Variants in TGFBR3 observed in about 807,000 individuals in gnomAD.
TGFBR3 encodes the protein transforming growth factor beta receptor 3, also known as transforming growth factor beta receptor type 3.
Under a neutral mutation model 87.9 loss-of-function variants are expected in TGFBR3, and 46 were observed. The observed-to-expected ratio is 0.52, with a 90% confidence interval of 0.41 to 0.67. The LOEUF (loss-of-function observed/expected upper bound fraction) is 0.67, where lower values mean the gene tolerates loss of function less well. Ranked by LOEUF, TGFBR3 falls within the 30% of genes least tolerant of loss-of-function variation. TGFBR3 has a pLI of 0.00. For missense variants in TGFBR3, 866 were observed against 1,041.9 expected, an observed-to-expected ratio of 0.83 and a Z score of 2.32; for synonymous variants, 381 against 391.6, an observed-to-expected ratio of 0.97 and a Z score of 0.32.
At chr1:91,716,761 GT>G in intron 10 of TGFBR3, 53 bp from the exon 11 acceptor site, 1 of 1,609,204 alleles carries the variant, frequency 6.2e-7, no homozygotes, top group Non-Finnish European at 8.5e-7. Context: ...AACCATGTGT[GT>G]TTGGTTCTGC....
chr1:91,792,403 G>A (rs1227998618), intron 3 of TGFBR3, among the ~76,000 whole-genome samples: 1 of 152,158 alleles, frequency 6.6e-6, no homozygotes, highest in Non-Finnish European at 1.5e-5. Context: ...CCTACAGCCA[G>A]GCACTGGCAC....
rs201044103 is a variant in TGFBR3, at chr1:91,681,900, T to TA, written c.*1838dup. The TA allele has an allele frequency of 3.0e-4, 135 of 446,420 alleles. No homozygotes were observed. Among genetic ancestry groups the TA allele is most frequent in the African/African-American group, 2.0e-3 (101 of 49,440 alleles). 27.7% of individuals were successfully genotyped at this position (446,420 alleles called of 1,614,324 possible). ...GTCCTCCACTCTGATACCCTTCTGT[T>TA]AAAAAAAAATTAAAGGAAAAAAATT... On this transcript the variant is annotated 3_prime_UTR_variant, in exon 17 of 17. Transcript: ENST00000212355.
chr1:91,886,942 C>T (rs886754132), upstream of TGFBR3, among the ~76,000 whole-genome samples: 8 of 152,224 alleles, frequency 5.3e-5, no homozygotes, highest in African/African-American at 1.9e-4. Flanking sequence ...GTACCTGTGC[C>T]TGTGAAGTAC....
chr1:91,777,076 T>C (rs11165475), intron 3 of TGFBR3, among the ~76,000 whole-genome samples: 20,358 of 152,170 alleles, frequency 0.13, 1,691 homozygotes, highest in East Asian at 0.25. Context: ...CTTTCCTCCC[T>C]GGCAGGTACC....
intron 2 of TGFBR3, among the ~76,000 whole-genome samples, chr1:91,858,481 A>T (rs1678047752): frequency 6.6e-6 from 1 of 151,716 alleles, no homozygotes; most frequent in Admixed American, 6.6e-5. Flanking sequence ...TGGGCGTGGC[A>T]GCGTGTGCCT....
At chr1:91,763,047 T>A (rs1485975091) in intron 3 of TGFBR3, among the ~76,000 whole-genome samples, 1 of 152,246 alleles carries the variant, frequency 6.6e-6, no homozygotes, top group African/African-American at 2.4e-5. Flanking sequence ...CCAAAGGTTA[T>A]CTTTGATAAG....
At chr1:91,867,758 G>A (rs1343466882) in intron 1 of TGFBR3, among the ~76,000 whole-genome samples, 1 of 152,032 alleles carries the variant, frequency 6.6e-6, no homozygotes, top group African/African-American at 2.4e-5. Context: ...ACTGTATTTG[G>A]GGGTTCAAAA....
intron 1 of TGFBR3, 194 bp from the exon 2 acceptor site, chr1:91,861,838 A>C (rs1678207139): frequency 2.7e-6 from 1 of 369,860 alleles, no homozygotes; most frequent in Admixed American, 4.2e-5. Flanking sequence ...ACTTTTGCAA[A>C]TGACATATTT....
intron 5 of TGFBR3, among the ~76,000 whole-genome samples, chr1:91,730,181 A>G (rs961129121): frequency 1.3e-5 from 2 of 152,068 alleles, no homozygotes; most frequent in Admixed American, 1.3e-4. Context: ...CTAGCCCCCA[A>G]CTAGGGGCCT....
chr1:91,880,163 C>G (rs1011610954), intron 1 of TGFBR3, among the ~76,000 whole-genome samples: 1 of 152,192 alleles, frequency 6.6e-6, no homozygotes, highest in African/African-American at 2.4e-5. Flanking sequence ...CCTAGATTCA[C>G]TCTTAAATTC....
intron 13 of TGFBR3, 133 bp from the exon 14 acceptor site, chr1:91,708,916 G>A: frequency 7.6e-7 from 1 of 1,321,522 alleles, no homozygotes; most frequent in South Asian, 1.3e-5. Flanking sequence ...GCAAGAAGGT[G>A]GGTGTTTTTC....
At chr1:91,764,090 C>G (rs185138133) in intron 3 of TGFBR3, among the ~76,000 whole-genome samples, 1 of 151,424 alleles carries the variant, frequency 6.6e-6, no homozygotes, top group Admixed American at 6.6e-5. Flanking sequence ...CATTCCCCCC[C>G]ACACACACCC....
At chr1:91,822,913 T>C (rs1676504750) in intron 2 of TGFBR3, among the ~76,000 whole-genome samples, 1 of 152,048 alleles carries the variant, frequency 6.6e-6, no homozygotes, top group Non-Finnish European at 1.5e-5. Context: ...GTGACAGAAC[T>C]AGATAGACCC....
At chr1:91,781,714 T>A (rs1274192153) in intron 3 of TGFBR3, among the ~76,000 whole-genome samples, 5 of 149,236 alleles carry the variant, frequency 3.4e-5, no homozygotes, top group Admixed American at 2.7e-4. Context: ...AAAACACATT[T>A]AAAAAAAAAA....
At chr1:91,780,806 C>T (rs1190144010) in intron 3 of TGFBR3, among the ~76,000 whole-genome samples, 2 of 151,744 alleles carry the variant, frequency 1.3e-5, no homozygotes, top group Non-Finnish European at 2.9e-5. Flanking sequence ...AACCCACCCG[C>T]CTCAGCCTCC....
At chr1:91,742,083 C>T (rs1350879230) in intron 4 of TGFBR3, among the ~76,000 whole-genome samples, 1 of 152,162 alleles carries the variant, frequency 6.6e-6, no homozygotes, top group Non-Finnish European at 1.5e-5. Flanking sequence ...CCTGCCTGAA[C>T]CCGTCTATCC....
chr1:91,859,114 G>A (rs1678078779), intron 2 of TGFBR3, among the ~76,000 whole-genome samples: 1 of 151,722 alleles, frequency 6.6e-6, no homozygotes, highest in Non-Finnish European at 1.5e-5. Context: ...GCAAAGCCTT[G>A]AGTGTGTATT....
chr1:91,770,881 G>A (rs940934262), intron 3 of TGFBR3: 10 of 152,274 alleles, frequency 6.6e-5, no homozygotes, highest in Admixed American at 3.3e-4. Context: ...TGTATAGTGC[G>A]CTGCTTTCTG....
intron 2 of TGFBR3, among the ~76,000 whole-genome samples, chr1:91,896,684 T>C (rs1228298019): frequency 6.6e-6 from 1 of 152,176 alleles, no homozygotes; most frequent in Non-Finnish European, 1.5e-5. Flanking sequence ...GTAGAAATAA[T>C]GTATAATGCT....
Sources: allele counts gnomAD v4.1 joint callset (sites outside exome capture counted in the v4.1 genomes callset), GRCh38; gene constraint gnomAD v4.1.1; transcripts MANE v1.5; gene names NCBI Gene and HGNC (gene_info 2026-07-23, HGNC 2026-07-21).